The following SUPT6H variants were observed in gnomAD, a reference collection of about 807,000 sequenced individuals.
SUPT6H encodes the protein transcription elongation factor SPT6.
Under a neutral mutation model 222.3 loss-of-function variants are expected in SUPT6H, and 11 were observed. The ratio of observed to expected loss-of-function variants is 0.05; its 90% confidence interval spans 0.03 to 0.08. The LOEUF is 0.08. SUPT6H is among the 10% of genes least tolerant of loss of function. The probability of loss-of-function intolerance (pLI) is 1.00; values close to 1 mark genes in which losing one functional copy is unlikely to be tolerated. For synonymous variants in SUPT6H, 762 were observed against 801.2 expected (o/e 0.95, Z 0.83); for missense variants, 1,422 against 2,216.0 (o/e 0.64, Z 7.19).
intron 21 of SUPT6H, 84 bp from the exon 22 acceptor site, chr17:28,687,004 A>G: frequency 6.4e-7 from 1 of 1,555,536 alleles, no homozygotes; most frequent in South Asian, 1.2e-5. Flanking sequence ...AGAGAAAATG[A>G]TTTAAACCAG....
chr17:28,687,204 T>C lies in SUPT6H; in HGVS notation c.2817T>C (p.Cys939=). ...QVCSSDEDIL[C]LKFHPLQEHV... ...GCAGTTCCGATGAAGACATCCTGTG[T>C]CTCAAGTTTCACCCCTTGCAGGTGA... The change falls in exon 22 of 37, where the codon TGT becomes TGC. Residue 939 remains cysteine (C), a synonymous_variant. Transcript: ENST00000314616. 1 of 1,614,164 alleles carries C rather than the reference T, an allele frequency of 6.2e-7. No homozygotes were observed. Among genetic ancestry groups the C allele is most frequent in the Non-Finnish European group, 8.5e-7 (1 of 1,180,036 alleles).
intron 11 of SUPT6H, among the ~76,000 whole-genome samples, chr17:28,680,948 G>A (rs2031069792): frequency 6.6e-6 from 1 of 152,128 alleles, no homozygotes; most frequent in Admixed American, 6.5e-5. Flanking sequence ...CACCAGCTAT[G>A]TGTCTTTAAA....
chr17:28,671,916 A>G (rs1392805315), intron 1 of SUPT6H, among the ~76,000 whole-genome samples: 1 of 152,238 alleles, frequency 6.6e-6, no homozygotes, highest in African/African-American at 2.4e-5. Flanking sequence ...CCCGTAGGGT[A>G]TGAAACCAGG....
intron 2 of SUPT6H, among the ~76,000 whole-genome samples, chr17:28,673,963 A>G (rs2030584692): frequency 6.6e-6 from 1 of 152,222 alleles, no homozygotes; most frequent in Non-Finnish European, 1.5e-5. Flanking sequence ...AAAAAGGAAT[A>G]TAGCTGCTGA....
At chr17:28,690,896 C>G in intron 26 of SUPT6H, 25 bp from the exon 27 acceptor site, 1 of 1,609,046 alleles carries the variant, frequency 6.2e-7, no homozygotes, top group Non-Finnish European at 8.5e-7. Context: ...TGAGCCTGCT[C>G]CCCATCCTCT....
intron 23 of SUPT6H, 124 bp from the exon 24 acceptor site, chr17:28,687,967 T>C (rs1679921030): frequency 9.1e-7 from 1 of 1,096,180 alleles, no homozygotes; most frequent in Non-Finnish European, 1.2e-6. Context: ...GATAGCATGC[T>C]GTAGTGCTCA....
intron 17 of SUPT6H, 30 bp from the exon 18 acceptor site, chr17:28,684,556 A>G (rs1348604899): frequency 1.9e-6 from 3 of 1,613,722 alleles, no homozygotes; most frequent in African/African-American, 1.3e-5. Context: ...GTCATCATGT[A>G]TGTAATACCT....
intron 28 of SUPT6H, among the ~76,000 whole-genome samples, chr17:28,694,209 A>G (rs1056806011): frequency 1.3e-5 from 2 of 152,172 alleles, no homozygotes; most frequent in African/African-American, 2.4e-5. Flanking sequence ...GAAATAATGC[A>G]TGGCACAGCC....
At chr17:28,692,364 G>A (rs1392181427) in intron 27 of SUPT6H, among the ~76,000 whole-genome samples, 2 of 146,278 alleles carry the variant, frequency 1.4e-5, no homozygotes, top group Non-Finnish European at 3.0e-5. Context: ...CGGGCACAGT[G>A]GCTCATGCCT....
intron 29 of SUPT6H, among the ~76,000 whole-genome samples, chr17:28,696,007 A>T (rs946026776): frequency 4.6e-5 from 7 of 151,998 alleles, no homozygotes; most frequent in Non-Finnish European, 8.8e-5. Flanking sequence ...TACAAAAAAA[A>T]TTTTTTAAAT....
Position 28,682,618 on chromosome 17 carries a change from C to T in SUPT6H, c.1598-109C>T. 4.1e-6 allele frequency: 6 copies of T among 1,470,530 alleles called. No homozygotes were observed. The South Asian group carries it at 7.8e-5, about 19-fold the overall frequency. The allele number at this position is 1,470,530 out of a possible 1,614,324, so 91.1% of individuals were successfully genotyped here. A position where few individuals can be genotyped will look rare whatever the true frequency, so the allele number is the denominator to read the frequency against. ...CCTGGGCAACAGAGCGAGACCGTCTCAGGAAAATAAAAAAGGCTAGTTCCC... is the reference window on the plus strand; with the variant it reads ...CCTGGGCAACAGAGCGAGACCGTCTTAGGAAAATAAAAAAGGCTAGTTCCC... On this transcript the variant is annotated intron_variant, in intron 13 of 36. Transcript: ENST00000314616.
Position 28,686,398 on chromosome 17 carries a change from A to G in SUPT6H, c.2547A>G (p.Thr849=). 15 of 1,614,240 alleles carry G rather than the reference A, an allele frequency of 9.3e-6. No homozygotes were observed. The highest frequency in any genetic ancestry group is 1.3e-5 in the Non-Finnish European group (15 of 1,180,022). The change falls in exon 20 of 37, where the codon ACA becomes ACG. Residue 849 remains threonine, a synonymous_variant. Coordinates refer to ENST00000314616, the MANE Select transcript of SUPT6H (RefSeq NM_003170.5). Reference sequence around the variant, plus strand: ...TGAATAAGAAGCCTCATGTAGTGACAGTTGCAGGAGAGAACAGGTAGGTAG... The same window carrying G: ...TGAATAAGAAGCCTCATGTAGTGACGGTTGCAGGAGAGAACAGGTAGGTAG... The part of the protein sequence containing the change: ...FLLNKKPHVV[T]VAGENRDAQM...
chr17:28,687,586 A>G, intron 23 of SUPT6H, 115 bp downstream of exon 23: 1 of 1,200,410 alleles, frequency 8.3e-7, no homozygotes, highest in South Asian at 1.5e-5. Flanking sequence ...GACTTGTCCA[A>G]AATCACTCAG....
rs778520132 is a variant in SUPT6H, at chr17:28,683,718, A to C, written c.2131A>C (p.Met711Leu). 6 of 1,614,196 alleles carry C rather than the reference A, an allele frequency of 3.7e-6. No homozygotes were observed. The highest frequency in any genetic ancestry group is 5.1e-6 in the Non-Finnish European group (6 of 1,180,032). The change falls in exon 17 of 37, where the codon ATG becomes CTG. Residue 711 changes from methionine to leucine, a missense_variant. Met to Leu is a conservative substitution (Grantham distance 15). This residue lies in a region of SUPT6H where 294 missense variants were observed against 382.1 expected (regional missense o/e 0.77). Coordinates refer to ENST00000314616, the MANE Select transcript of SUPT6H (RefSeq NM_003170.5). ...QVQEWNRQRT[M>L]AIERALQQFL... Reference sequence around the variant, plus strand: ...GCAGGAGTGGAACCGGCAGCGCACCATGGCCATCGAACGGGCTTTACAGCA... The same window carrying C: ...GCAGGAGTGGAACCGGCAGCGCACCCTGGCCATCGAACGGGCTTTACAGCA...
Position 28,662,827 on chromosome 17 carries a change from C to G in SUPT6H, c.-32+485C>G, listed in dbSNP as rs745362075. 1.7e-4 allele frequency among the ~76,000 whole-genome samples: 26 copies of G among 152,152 alleles called. 1 individual carries two copies. Among genetic ancestry groups the G allele is most frequent in the Admixed American group, 9.2e-4 (14 of 15,284 alleles). On this transcript the variant is annotated intron_variant, in intron 1 of 36. Transcript: ENST00000314616. ...TAGAACTTTTTGTAGATGGTTGCATCCTTCATCCCTTTCTAAAGATCGAAG... is the reference window on the plus strand; with the variant it reads ...TAGAACTTTTTGTAGATGGTTGCATGCTTCATCCCTTTCTAAAGATCGAAG...
chr17:28,670,001 TA>T (rs2030320431), intron 1 of SUPT6H: 1 of 152,246 alleles, frequency 6.6e-6, no homozygotes, highest in African/African-American at 2.4e-5. Flanking sequence ...ATGTCTGCTC[TA>T]ACAGAATACA....
intron 11 of SUPT6H, among the ~76,000 whole-genome samples, chr17:28,679,719 C>T (rs1303683740): frequency 2.0e-5 from 3 of 151,164 alleles, no homozygotes; most frequent in Non-Finnish European, 4.4e-5. Flanking sequence ...GGGCCTGGCA[C>T]GGTGGCTAAC....
At chr17:28,693,078 AAGGATCACTCG>A (rs1443916905) in intron 27 of SUPT6H, among the ~76,000 whole-genome samples, 1 of 151,808 alleles carries the variant, frequency 6.6e-6, no homozygotes, top group Non-Finnish European at 1.5e-5. Flanking sequence ...GCCAAGGTGG[AAGGATCACTCG>A]AGCCTGGGAG....
intron 35 of SUPT6H, 190 bp downstream of exon 35, chr17:28,700,702 G>T (rs1039351046): frequency 1.7e-5 from 16 of 962,840 alleles, no homozygotes; most frequent in Admixed American, 2.9e-5. Flanking sequence ...ACCTTTCCAC[G>T]GGCCTTTGGG....
Sources: gnomAD v4.1 joint callset for allele counts (sites outside exome capture counted in the v4.1 genomes callset) on GRCh38, gnomAD v4.1.1 for gene constraint, gnomAD v4.1.1 regional missense constraint, MANE v1.5 for transcripts, NCBI Gene and HGNC (gene_info 2026-07-23, HGNC 2026-07-21) for gene names.